CEP85L: variants seen among roughly 807,000 people sequenced by gnomAD.
The protein encoded by CEP85L is centrosomal protein 85L, also known as centrosomal protein of 85 kDa-like.
Under a neutral mutation model 100.3 loss-of-function variants are expected in CEP85L, and 60 were observed. The ratio of observed to expected loss-of-function variants is 0.60; its 90% CI spans 0.49 to 0.74. The LOEUF is 0.74. CEP85L is among the 30% of genes least tolerant of loss of function. The pLI, the probability that CEP85L is intolerant of heterozygous loss-of-function variation, is 0.00. For missense variants in CEP85L, 973 were observed against 936.2 expected, an observed-to-expected ratio of 1.04 and a Z score of -0.51; for synonymous variants, 319 against 322.7, an observed-to-expected ratio of 0.99 and a Z score of 0.12.
Position 118,569,454 on chromosome 6 carries a change from G to A in CEP85L, c.233-3138C>T, listed in dbSNP as rs149230218. On this transcript the variant is annotated intron_variant, in intron 2 of 12. Transcript: ENST00000368491. Reference sequence around the variant, plus strand: ...GTGCATATGTACCCTAGAACTTAAAGTATAATAAAAATATATATTCAAAAA... The same window carrying A: ...GTGCATATGTACCCTAGAACTTAAAATATAATAAAAATATATATTCAAAAA... 2.0e-3 allele frequency among the ~76,000 whole-genome samples: 293 copies of A among 144,660 alleles called. 1 individual carries two copies. The highest frequency in any genetic ancestry group is 7.1e-3 in the African/African-American group (277 of 39,284). The allele number at this position is 144,660 out of a possible 152,430, so 94.9% of individuals were successfully genotyped here.
At chr6:118,532,751 G>C (rs2114835284) in intron 3 of CEP85L, among the ~76,000 whole-genome samples, 1 of 152,006 alleles carries the variant, frequency 6.6e-6, no homozygotes, top group Admixed American at 6.6e-5. Flanking sequence ...TAAATCTAAA[G>C]AAAATATAAA....
intron 12 of CEP85L, among the ~76,000 whole-genome samples, chr6:118,468,020 T>TA (rs1772658881): frequency 6.6e-6 from 1 of 152,208 alleles, no homozygotes; most frequent in African/African-American, 2.4e-5. Flanking sequence ...AGCACTTACT[T>TA]AGTGTCTGGA....
chr6:118,499,385 G>A (rs1775127745), intron 5 of CEP85L, among the ~76,000 whole-genome samples: 1 of 152,132 alleles, frequency 6.6e-6, no homozygotes, highest in Non-Finnish European at 1.5e-5. Flanking sequence ...AAAACTCTTG[G>A]CCAGGCACGG....
intron 6 of CEP85L, among the ~76,000 whole-genome samples, chr6:118,487,424 C>G (rs145029731): frequency 5.9e-5 from 9 of 152,238 alleles, no homozygotes; most frequent in Non-Finnish European, 8.8e-5. Flanking sequence ...TCTCCTTCCC[C>G]AAACCAACAT....
At chr6:118,587,847 T>C (rs1780958327) in intron 2 of CEP85L, among the ~76,000 whole-genome samples, 1 of 152,232 alleles carries the variant, frequency 6.6e-6, no homozygotes, top group African/African-American at 2.4e-5. Context: ...TAAATATGGT[T>C]ATCTTTATCC....
intron 3 of CEP85L, among the ~76,000 whole-genome samples, chr6:118,549,469 A>G (rs1778408955): frequency 1.3e-5 from 2 of 151,778 alleles, no homozygotes; most frequent in South Asian, 4.1e-4. Context: ...TTTGATTTTC[A>G]TATTTCATAT....
chr6:118,516,530 T>C (rs1205615970), intron 4 of CEP85L, among the ~76,000 whole-genome samples: 1 of 152,270 alleles, frequency 6.6e-6, no homozygotes. Flanking sequence ...TTCACGTTTG[T>C]TGGCCATATA....
chr6:118,615,356 G>A (rs1195946131), intron 2 of CEP85L, among the ~76,000 whole-genome samples: 1 of 149,336 alleles, frequency 6.7e-6, no homozygotes, highest in African/African-American at 2.5e-5. Flanking sequence ...AGCTTATACA[G>A]AAAGGAAAAG....
chr6:118,613,374 G>A (rs750437269), intron 2 of CEP85L, among the ~76,000 whole-genome samples: 9 of 152,166 alleles, frequency 5.9e-5, no homozygotes, highest in South Asian at 2.1e-4. Flanking sequence ...CAAATGCAAC[G>A]CATCCAATTT....
Position 118,462,149 on chromosome 6 carries a change from G to A in CEP85L, c.*3256C>T, listed in dbSNP as rs1456225607. 6.6e-6 allele frequency: 1 copy of A among 151,908 alleles called. No individual in the cohort carries two copies. Among genetic ancestry groups the A allele is most frequent in the Non-Finnish European group, 1.5e-5 (1 of 67,866 alleles). 9.4% of individuals were successfully genotyped at this position (151,908 alleles called of 1,614,324 possible). A position where few individuals can be genotyped will look rare whatever the true frequency, so the allele number is the denominator to read the frequency against. ...GCCCTTGAGATTGTCTCTACAACAA[G>A]CTATTGAAAGAAGTCTAATTAGGTT... On this transcript the variant is annotated 3_prime_UTR_variant, in exon 13 of 13. Transcript: ENST00000368491.
intron 1 of CEP85L, among the ~76,000 whole-genome samples, chr6:118,662,992 C>G (rs896271484): frequency 5.9e-5 from 9 of 151,660 alleles, no homozygotes; most frequent in Admixed American, 5.9e-4. Flanking sequence ...AAACCAGAAC[C>G]AGGGGTTATA....
chr6:118,543,689 CAT>C (rs1246450159), intron 3 of CEP85L, among the ~76,000 whole-genome samples: 2 of 152,112 alleles, frequency 1.3e-5, no homozygotes, highest in Non-Finnish European at 2.9e-5. Flanking sequence ...GAAGAAATAA[CAT>C]ATAATGGCAG....
chr6:118,544,662 G>T (rs1778093202), intron 3 of CEP85L, among the ~76,000 whole-genome samples: 1 of 152,082 alleles, frequency 6.6e-6, no homozygotes, highest in Non-Finnish European at 1.5e-5. Context: ...TGAGGAAAGA[G>T]AATTTGCCCA....
chr6:118,491,436 T>C (rs1049700224), intron 6 of CEP85L: 8 of 1,189,694 alleles, frequency 6.7e-6, no homozygotes, highest in Non-Finnish European at 7.4e-6. Flanking sequence ...AGTTATTTGG[T>C]GTAGGCAATT....
chr6:118,599,086 C>G (rs1252292371), intron 2 of CEP85L, among the ~76,000 whole-genome samples: 1 of 152,104 alleles, frequency 6.6e-6, no homozygotes, highest in Non-Finnish European at 1.5e-5. Context: ...ATAACCTAGC[C>G]CTGTCCTCTG....
intron 3 of CEP85L, chr6:118,560,586 G>C (rs932258978): frequency 4.2e-5 from 7 of 166,960 alleles, no homozygotes; most frequent in African/African-American, 1.4e-4. Context: ...AGCCCTTGTT[G>C]TTCAAGGGTC....
At chr6:118,546,375 T>C (rs1778203158) in intron 3 of CEP85L, among the ~76,000 whole-genome samples, 1 of 152,208 alleles carries the variant, frequency 6.6e-6, no homozygotes, top group Non-Finnish European at 1.5e-5. Context: ...TTTTATTCTG[T>C]CTACGGCAGC....
At chr6:118,573,170 A>G (rs562217883) in intron 2 of CEP85L, among the ~76,000 whole-genome samples, 1 of 152,230 alleles carries the variant, frequency 6.6e-6, no homozygotes, top group Admixed American at 6.5e-5. Flanking sequence ...AACATCAGAC[A>G]ATGAGAAGTG....
chr6:118,468,319 C>T (rs1006134015), intron 12 of CEP85L, among the ~76,000 whole-genome samples: 22 of 152,152 alleles, frequency 1.4e-4, no homozygotes, highest in Admixed American at 1.2e-3. Context: ...TAATATTAGG[C>T]AGCTACTAAA....
Sources: gnomAD v4.1 joint callset for allele counts (sites outside exome capture counted in the v4.1 genomes callset) on GRCh38, gnomAD v4.1.1 for gene constraint, MANE v1.5 for transcripts, NCBI Gene and HGNC (gene_info 2026-07-23, HGNC 2026-07-21) for gene names.